Variants in SDHAF4 observed in about 807,000 individuals in gnomAD.
SDHAF4 encodes the protein succinate dehydrogenase assembly factor 4, mitochondrial.
A neutral mutation model predicts 14.3 loss-of-function variants in SDHAF4; 14 were observed. That is an observed-to-expected ratio of 0.98 (90% CI 0.65 to 1.53). The LOEUF is 1.53. Among genes scored for constraint, SDHAF4 ranks in the 40% most tolerant of loss-of-function variants. The pLI, the probability that SDHAF4 is intolerant of heterozygous loss-of-function variation, is 0.00. For missense variants in SDHAF4, 141 were observed against 129.3 expected, an observed-to-expected ratio of 1.09 and a Z score of -0.44; for synonymous variants, 63 against 47.3, an observed-to-expected ratio of 1.33 and a Z score of -1.36.
chr6:70,573,263 C>CTTTTTTTT (rs1802207728), intron 1 of SDHAF4, among the ~76,000 whole-genome samples: 1 of 100,402 alleles, frequency 1.0e-5, no homozygotes, highest in Non-Finnish European at 1.8e-5. Flanking sequence ...TGCTATTTGG[C>CTTTTTTTT]CTTTTTTTTT....
At chr6:70,595,439 T>C in the SDHAF4 span, among the ~76,000 whole-genome samples, 1 of 152,190 alleles carries the variant, frequency 6.6e-6, no homozygotes, top group Admixed American at 6.5e-5. Flanking sequence ...TTATATCAGT[T>C]TTCTCTCTCA....
chr6:70,595,421 T>G, the SDHAF4 span, among the ~76,000 whole-genome samples: 1 of 152,204 alleles, frequency 6.6e-6, no homozygotes, highest in African/African-American at 2.4e-5. Context: ...GGACTAGTCA[T>G]TTGGTCCTTA....
At chr6:70,576,417 CT>C (rs1310387915) in intron 1 of SDHAF4, among the ~76,000 whole-genome samples, 1 of 152,232 alleles carries the variant, frequency 6.6e-6, no homozygotes, top group African/African-American at 2.4e-5. Context: ...GTTTCTCCAA[CT>C]TACACTTTGC....
chr6:70,567,415 G>A (rs918585933), intron 1 of SDHAF4: 1 of 171,536 alleles, frequency 5.8e-6, no homozygotes, highest in African/African-American at 2.4e-5. Flanking sequence ...ATTATTTACA[G>A]GAATCCGCGC....
At chr6:70,580,507 C>A (rs906560765) in intron 2 of SDHAF4, among the ~76,000 whole-genome samples, 3 of 152,128 alleles carry the variant, frequency 2.0e-5, no homozygotes, top group Non-Finnish European at 4.4e-5. Context: ...AAAGCAGGGA[C>A]TTGAACAGAT....
the SDHAF4 span, among the ~76,000 whole-genome samples, chr6:70,597,203 G>A: frequency 6.6e-6 from 1 of 151,166 alleles, no homozygotes; most frequent in Non-Finnish European, 1.5e-5. Flanking sequence ...GTGTGATCTC[G>A]GCTCACTGCA....
At chr6:70,597,915 A>G in the SDHAF4 span, among the ~76,000 whole-genome samples, 1 of 152,220 alleles carries the variant, frequency 6.6e-6, no homozygotes, top group African/African-American at 2.4e-5. Flanking sequence ...CTCTGGAACT[A>G]AGCTGCTGTC....
intron 1 of SDHAF4, among the ~76,000 whole-genome samples, 196 bp downstream of exon 1, chr6:70,567,200 C>G (rs527372741): frequency 3.9e-5 from 6 of 152,328 alleles, no homozygotes; most frequent in Non-Finnish European, 7.3e-5. Flanking sequence ...TCGGGTGGGA[C>G]TAGAGCGAGA....
At chr6:70,579,148 T>C (rs2128534962) in intron 1 of SDHAF4, among the ~76,000 whole-genome samples, 1 of 152,340 alleles carries the variant, frequency 6.6e-6, no homozygotes, top group African/African-American at 2.4e-5. Flanking sequence ...TTGCTTCAGA[T>C]AGGAATTAAT....
the SDHAF4 span, among the ~76,000 whole-genome samples, chr6:70,597,938 ACTGG>A: frequency 6.6e-6 from 1 of 152,222 alleles, no homozygotes; most frequent in Non-Finnish European, 1.5e-5. Context: ...CTTCCCGAAG[ACTGG>A]TTGCTATAAA....
the SDHAF4 span, among the ~76,000 whole-genome samples, chr6:70,597,592 T>C: frequency 1.3e-5 from 2 of 152,172 alleles, no homozygotes; most frequent in African/African-American, 4.8e-5. Flanking sequence ...CAGGTGACTA[T>C]ACTTCACGCC....
intron 1 of SDHAF4, among the ~76,000 whole-genome samples, chr6:70,577,533 CA>C (rs1802271902): frequency 6.6e-6 from 1 of 152,186 alleles, no homozygotes; most frequent in Non-Finnish European, 1.5e-5. Context: ...GTCATTTACG[CA>C]TTGCAGACAC....
At chr6:70,577,306 G>A (rs1484874610) in intron 1 of SDHAF4, among the ~76,000 whole-genome samples, 2 of 152,134 alleles carry the variant, frequency 1.3e-5, no homozygotes, top group African/African-American at 2.4e-5. Context: ...TTATCTTTGA[G>A]GCCATTATTC....
chr6:70,591,722 T>G (rs1256130388), downstream of SDHAF4, among the ~76,000 whole-genome samples: 1 of 152,246 alleles, frequency 6.6e-6, no homozygotes, highest in Non-Finnish European at 1.5e-5. Context: ...AAATAGTGAT[T>G]ATTTACATGA....
At chr6:70,590,800 T>G (rs918174441), downstream of SDHAF4, among the ~76,000 whole-genome samples, 48 of 152,222 alleles carry the variant, frequency 3.2e-4, no homozygotes, top group Middle Eastern at 3.4e-3. Context: ...AGAGAGAGAT[T>G]ATGTGGAATT....
chr6:70,583,327 G>A (rs1267189967), intron 2 of SDHAF4, among the ~76,000 whole-genome samples: 2 of 152,164 alleles, frequency 1.3e-5, no homozygotes, highest in Non-Finnish European at 2.9e-5. Context: ...TGGTCAGGCT[G>A]GTCTCGAACT....
intron 1 of SDHAF4, among the ~76,000 whole-genome samples, chr6:70,569,028 C>T (rs1275795727): frequency 6.9e-5 from 9 of 131,200 alleles, no homozygotes; most frequent in South Asian, 2.4e-4. Flanking sequence ...TGCAGTGGCG[C>T]GATCTCGACT....
chr6:70,594,789 G>C, the SDHAF4 span, among the ~76,000 whole-genome samples: 1 of 152,058 alleles, frequency 6.6e-6, no homozygotes, highest in Non-Finnish European at 1.5e-5. Flanking sequence ...GTGCACACCT[G>C]TAATCCCAGC....
chr6:70,569,107 A>C (rs927747596), intron 1 of SDHAF4, among the ~76,000 whole-genome samples: 21 of 150,670 alleles, frequency 1.4e-4, no homozygotes, highest in African/African-American at 4.9e-4. Flanking sequence ...CTGGGACTAC[A>C]GGCGCGCGCC....
Sources: gnomAD v4.1 joint callset for allele counts (sites outside exome capture counted in the v4.1 genomes callset) on GRCh38, gnomAD v4.1.1 for gene constraint, MANE v1.5 for transcripts, NCBI Gene and HGNC (gene_info 2026-07-23, HGNC 2026-07-21) for gene names.